Variants in EML5 observed in about 807,000 individuals in gnomAD.
The protein encoded by EML5 is EMAP like 5.
A neutral mutation model predicts 250.0 loss-of-function variants in EML5; 120 were observed. The ratio of observed to expected loss-of-function variants is 0.48; its 90% CI spans 0.41 to 0.56. The LOEUF (loss-of-function observed/expected upper bound fraction) is 0.56, where lower values mean the gene tolerates loss of function less well. EML5 is among the 20% of genes least tolerant of loss of function. EML5 has a pLI of 0.00. For missense variants in EML5, 2,006 were observed against 2,437.6 expected (o/e 0.82, Z 3.73); for synonymous variants, 771 against 806.5 (o/e 0.96, Z 0.75).
intron 1 of EML5, among the ~76,000 whole-genome samples, chr14:88,771,288 T>C (rs1258720632): frequency 6.6e-6 from 1 of 152,244 alleles, no homozygotes; most frequent in Non-Finnish European, 1.5e-5. Flanking sequence ...TTGTACTTAA[T>C]GATTAACATA....
intron 14 of EML5, among the ~76,000 whole-genome samples, chr14:88,701,068 T>A (rs190242951): frequency 1.5e-3 from 226 of 152,208 alleles, no homozygotes; most frequent in Admixed American, 3.9e-3. Flanking sequence ...TCTATGAGGG[T>A]TTCTTCGATT....
chr14:88,699,381 G>A (rs981233099), intron 14 of EML5, among the ~76,000 whole-genome samples: 2 of 151,014 alleles, frequency 1.3e-5, no homozygotes, highest in African/African-American at 4.9e-5. Flanking sequence ...GAATTGCATT[G>A]GGAGTCAACT....
chr14:88,616,665 C>T, intron 42 of EML5, 61 bp downstream of exon 42: 1 of 1,441,826 alleles, frequency 6.9e-7, no homozygotes, highest in East Asian at 2.4e-5. Flanking sequence ...GGGAAAAGTG[C>T]TGATGATAAG....
At chr14:88,644,872 G>C (rs1162926571) in intron 29 of EML5, 1 of 162,646 alleles carries the variant, frequency 6.1e-6, no homozygotes, top group Non-Finnish European at 1.3e-5. Context: ...CACCACACCA[G>C]ATAATTTTTG....
At chr14:88,747,681 G>A (rs1349346025) in intron 2 of EML5, among the ~76,000 whole-genome samples, 1 of 152,156 alleles carries the variant, frequency 6.6e-6, no homozygotes, top group Non-Finnish European at 1.5e-5. Flanking sequence ...AAGGAGACCT[G>A]AAGAAGCAAA....
At chr14:88,752,064 T>C (rs1339142125) in intron 2 of EML5, among the ~76,000 whole-genome samples, 1 of 152,198 alleles carries the variant, frequency 6.6e-6, no homozygotes, top group Non-Finnish European at 1.5e-5. Context: ...GAACTTAAAA[T>C]TTTAAGTAAT....
chr14:88,742,175 C>A (rs951314233), intron 4 of EML5, among the ~76,000 whole-genome samples: 3 of 152,038 alleles, frequency 2.0e-5, no homozygotes, highest in African/African-American at 7.2e-5. Context: ...TATTTTGATG[C>A]TCAGCAAGGG....
At chr14:88,622,955 C>T (rs1213401733) in intron 36 of EML5, 1 of 362,598 alleles carries the variant, frequency 2.8e-6, no homozygotes, top group Non-Finnish European at 4.9e-6. Context: ...TTTTTTCTGA[C>T]ATGAGCATAA....
intron 30 of EML5, among the ~76,000 whole-genome samples, chr14:88,643,561 T>C (rs1016017760): frequency 3.3e-5 from 5 of 152,124 alleles, no homozygotes; most frequent in Non-Finnish European, 7.4e-5. Context: ...CCTGTGGATT[T>C]TGGCATCCCC....
intron 8 of EML5, among the ~76,000 whole-genome samples, chr14:88,725,090 T>C (rs1399976709): frequency 6.6e-6 from 1 of 152,028 alleles, no homozygotes; most frequent in Non-Finnish European, 1.5e-5. Flanking sequence ...GTACCTAGAG[T>C]AGTCAAATTA....
chr14:88,758,019 ATTTTTTT>A (rs59074536), intron 1 of EML5, among the ~76,000 whole-genome samples: 2 of 129,238 alleles, frequency 1.5e-5, no homozygotes, highest in Non-Finnish European at 3.2e-5. Flanking sequence ...CACCTGTCTA[ATTTTTTT>A]TTTTTTTTTT....
chr14:88,737,015 G>A (rs913084027), intron 6 of EML5, among the ~76,000 whole-genome samples: 5 of 152,046 alleles, frequency 3.3e-5, no homozygotes, highest in East Asian at 1.9e-4. Flanking sequence ...ACCCCATCTC[G>A]GGTACCCTCT....
In EML5 at chr14:88,618,398, A is replaced by C. The variant is rs542559124; in HGVS notation, c.5539-67T>G. ...GAGAGACAAAATCCACAGGGGGTTT[A>C]CAGAATACTAGCATATTGCTACTTG... On this transcript the variant is annotated intron_variant, in intron 40 of 43. Coordinates refer to ENST00000554922, the MANE Select transcript of EML5 (RefSeq NM_183387.3). The C allele has an allele frequency of 2.2e-6, 3 of 1,364,848 alleles. No homozygotes were observed. In the African/African-American group the frequency reaches 4.3e-5, roughly 19 times the overall value. The allele number at this position is 1,364,848 out of a possible 1,614,324, so 84.5% of individuals were successfully genotyped here. A position where few individuals can be genotyped will look rare whatever the true frequency, so the allele number is the denominator to read the frequency against.
chr14:88,663,191 T>G, intron 23 of EML5, 72 bp from the exon 24 acceptor site: 1 of 1,033,432 alleles, frequency 9.7e-7, no homozygotes. Flanking sequence ...AGTATGATGT[T>G]TAAGTTTTAT....
rs559948231 is a variant in EML5, at chr14:88,632,483, T to A, written c.4357+1986A>T. Reference sequence around the variant, plus strand: ...TCTCCCTGAGCTACAGCATCCTGCATGAGATGACCACTATCCCTCTCTACA... The same window carrying A: ...TCTCCCTGAGCTACAGCATCCTGCAAGAGATGACCACTATCCCTCTCTACA... On this transcript the variant is annotated intron_variant, in intron 33 of 43. Transcript: ENST00000554922. Among the ~76,000 whole-genome samples the A allele has an allele frequency of 8.5e-5, 13 of 152,356 alleles. No individual in the cohort carries two copies. In the South Asian group the frequency reaches 1.7e-3, roughly 19 times the overall value.
intron 17 of EML5, among the ~76,000 whole-genome samples, chr14:88,690,901 G>A (rs1416537303): frequency 6.6e-6 from 1 of 152,178 alleles, no homozygotes; most frequent in East Asian, 1.9e-4. Context: ...CAGGCTGAAT[G>A]CCAAATCCTG....
chr14:88,712,310 C>T lies in EML5; in HGVS notation c.1618G>A (p.Gly540Arg). 6.2e-7 allele frequency: 1 copy of T among 1,612,114 alleles called. No homozygotes were observed. Among genetic ancestry groups the T allele is most frequent in the Admixed American group, 1.7e-5 (1 of 60,006 alleles). ...GGATATCGGAATAATTTTATAATTC[C>T]ATAGTCATCAGCTGTAACTAAAACT... ...GQVLVTADDY[G>R]IIKLFRYPCL... Residue 540 changes from glycine (G) to arginine (R), a missense_variant, in exon 10 of 44, where the codon GGA (glycine) becomes AGA (arginine). By Grantham distance (125) the Gly-to-Arg change is moderately radical. This residue lies in a region of EML5 where 1,375 missense variants were observed against 1,590.3 expected (regional missense o/e 0.86). Coordinates refer to ENST00000554922, the MANE Select transcript of EML5 (RefSeq NM_183387.3).
intron 28 of EML5, among the ~76,000 whole-genome samples, chr14:88,647,412 T>C (rs1484445912): frequency 6.6e-6 from 1 of 151,562 alleles, no homozygotes; most frequent in Admixed American, 6.6e-5. Flanking sequence ...AGAAAAGGCA[T>C]AAGGCTGGGC....
intron 14 of EML5, among the ~76,000 whole-genome samples, chr14:88,701,323 C>T (rs2093204705): frequency 6.6e-6 from 1 of 152,126 alleles, no homozygotes; most frequent in Non-Finnish European, 1.5e-5. Context: ...TTACCTGCCC[C>T]GAAACATCAA....
Sources: gnomAD v4.1 joint callset for allele counts (sites outside exome capture counted in the v4.1 genomes callset) on GRCh38, gnomAD v4.1.1 for gene constraint, gnomAD v4.1.1 regional missense constraint, MANE v1.5 for transcripts, NCBI Gene and HGNC (gene_info 2026-07-23, HGNC 2026-07-21) for gene names.